MIPOL1: variants seen among roughly 807,000 people sequenced by gnomAD.
MIPOL1 encodes the protein mirror-image polydactyly 1.
Under a neutral mutation model 60.9 loss-of-function variants are expected in MIPOL1, and 57 were observed. The ratio of observed to expected loss-of-function variants is 0.94; its 90% CI spans 0.76 to 1.17. MIPOL1 has a LOEUF of 1.17. Among genes scored for constraint, MIPOL1 ranks in the 50% most tolerant of loss-of-function variants. The pLI, the probability that MIPOL1 is intolerant of heterozygous loss-of-function variation, is 0.00. For missense variants in MIPOL1, 551 were observed against 511.6 expected (o/e 1.08, Z -0.74); for synonymous variants, 179 against 168.8 (o/e 1.06, Z -0.47).
chr14:37,367,794 G>A (rs72671774), intron 9 of MIPOL1, among the ~76,000 whole-genome samples: 27,149 of 151,882 alleles, frequency 0.18, 3,004 homozygotes, highest in Non-Finnish European at 0.26. Context: ...ATTTAGTAGA[G>A]AATATCTCTA....
intron 11 of MIPOL1, among the ~76,000 whole-genome samples, chr14:37,446,071 A>G: frequency 6.6e-6 from 1 of 152,210 alleles, no homozygotes; most frequent in Non-Finnish European, 1.5e-5. Context: ...AAATTGACAA[A>G]TGGGATCTAA....
chr14:37,315,524 A>G (rs1426033533), intron 9 of MIPOL1, among the ~76,000 whole-genome samples: 1 of 140,050 alleles, frequency 7.1e-6, no homozygotes, highest in African/African-American at 2.7e-5. Context: ...AGAAAAGTGG[A>G]CAGATTTGGG....
At chr14:37,502,723 G>C (rs931562755) in intron 12 of MIPOL1, 2 of 152,160 alleles carry the variant, frequency 1.3e-5, no homozygotes, top group Non-Finnish European at 2.9e-5. Context: ...TGTGCCAAAG[G>C]CTCACAGCTC....
At chr14:37,346,304 G>A (rs1489130991) in intron 9 of MIPOL1, among the ~76,000 whole-genome samples, 1 of 152,136 alleles carries the variant, frequency 6.6e-6, no homozygotes, top group Non-Finnish European at 1.5e-5. Flanking sequence ...ACTGCAGCCT[G>A]GGTGACACAG....
At chr14:37,432,786 CT>C (rs2094096385) in intron 11 of MIPOL1, among the ~76,000 whole-genome samples, 1 of 151,932 alleles carries the variant, frequency 6.6e-6, no homozygotes, top group African/African-American at 2.4e-5. Context: ...TCCGTGGTTG[CT>C]TTGTTTGGTC....
intron 7 of MIPOL1, 109 bp downstream of exon 7, chr14:37,285,556 A>T: frequency 9.5e-7 from 1 of 1,055,750 alleles, no homozygotes; most frequent in Non-Finnish European, 1.3e-6. Context: ...GTGTTACACT[A>T]GGAAATTGCA....
At chr14:37,309,116 T>A (rs962473453) in intron 9 of MIPOL1, among the ~76,000 whole-genome samples, 1 of 150,552 alleles carries the variant, frequency 6.6e-6, no homozygotes, top group Non-Finnish European at 1.5e-5. Context: ...ATTTATTTAT[T>A]TATTTATTTA....
At chr14:37,390,377 A>G (rs2093204443) in intron 10 of MIPOL1, among the ~76,000 whole-genome samples, 1 of 152,166 alleles carries the variant, frequency 6.6e-6, no homozygotes, top group Non-Finnish European at 1.5e-5. Context: ...TATATATTAT[A>G]TACAATTGAA....
intron 7 of MIPOL1, among the ~76,000 whole-genome samples, chr14:37,290,281 A>G (rs1432418219): frequency 1.3e-5 from 2 of 152,154 alleles, no homozygotes; most frequent in Admixed American, 1.3e-4. Context: ...GCTGGAGAAC[A>G]GTGACGTGAT....
intron 7 of MIPOL1, 45 bp downstream of exon 7, chr14:37,285,492 A>G (rs2084477978): frequency 6.3e-7 from 1 of 1,587,380 alleles, no homozygotes; most frequent in African/African-American, 1.3e-5. Flanking sequence ...GAACACTTAT[A>G]AAAGGCATGC....
At chr14:37,299,866 C>A (rs532834304) in intron 7 of MIPOL1, among the ~76,000 whole-genome samples, 1 of 152,096 alleles carries the variant, frequency 6.6e-6, no homozygotes, top group East Asian at 1.9e-4. Flanking sequence ...GTATGTCTCC[C>A]TAGCCTGTCC....
At chr14:37,308,778 CTT>C (rs1211344428) in intron 9 of MIPOL1, among the ~76,000 whole-genome samples, 1 of 152,016 alleles carries the variant, frequency 6.6e-6, no homozygotes, top group Non-Finnish European at 1.5e-5. Flanking sequence ...TACAGACTAA[CTT>C]GTTATAGAAA....
intron 12 of MIPOL1, among the ~76,000 whole-genome samples, chr14:37,536,985 C>CTTTTGCTGAAAGTTGGCTT (rs2095509089): frequency 6.6e-6 from 1 of 152,104 alleles, no homozygotes; most frequent in Non-Finnish European, 1.5e-5. Context: ...GCAATCAATG[C>CTTTTGCTGAAAGTTGGCTT]TTTTGCTGAA....
chr14:37,487,872 TG>T (rs1357419956), intron 11 of MIPOL1, among the ~76,000 whole-genome samples: 1 of 152,256 alleles, frequency 6.6e-6, no homozygotes, highest in African/African-American at 2.4e-5. Context: ...TGCCTTGTGC[TG>T]TCTTTTGAAT....
intron 12 of MIPOL1, among the ~76,000 whole-genome samples, chr14:37,516,660 TTTTTAC>T (rs2095371328): frequency 6.6e-6 from 1 of 152,190 alleles, no homozygotes; most frequent in African/African-American, 2.4e-5. Flanking sequence ...TTTTGGCTAC[TTTTTAC>T]TTTATTTGCT....
chr14:37,418,261 G>A (rs1241627581), intron 10 of MIPOL1, among the ~76,000 whole-genome samples: 7 of 152,054 alleles, frequency 4.6e-5, no homozygotes, highest in African/African-American at 7.2e-5. Context: ...TAAGAATAGC[G>A]CTTAGTGATG....
intron 10 of MIPOL1, among the ~76,000 whole-genome samples, chr14:37,393,971 T>A (rs2093313062): frequency 6.7e-6 from 1 of 148,814 alleles, no homozygotes; most frequent in Admixed American, 6.8e-5. Flanking sequence ...CATTCCTGAG[T>A]TACTTCACTT....
At chr14:37,424,051 A>G (rs1447292474) in intron 11 of MIPOL1, among the ~76,000 whole-genome samples, 2 of 152,200 alleles carry the variant, frequency 1.3e-5, no homozygotes, top group Admixed American at 6.5e-5. Context: ...CATGTTCATA[A>G]TTGTAGGAAA....
chr14:37,550,102 A>G lies in MIPOL1; in HGVS notation c.*3131A>G, dbSNP rs1210632747. The G allele has an allele frequency of 6.6e-6, 1 of 151,598 alleles. No individual in the cohort carries two copies. Among genetic ancestry groups the G allele is most frequent in the Non-Finnish European group, 1.5e-5 (1 of 67,746 alleles). The allele number at this position is 151,598 out of a possible 1,614,324, so 9.4% of individuals were successfully genotyped here. On this transcript the variant is annotated 3_prime_UTR_variant, in exon 13 of 13. Transcript: ENST00000684589. ...AATTATTAATGTATTTTAAATATGG[A>G]GTAAAATATTTTGCTAATTTTTTTC... is the stretch of plus-strand genomic sequence containing the variant.
Sources: gnomAD v4.1 joint callset for allele counts (sites outside exome capture counted in the v4.1 genomes callset) on GRCh38, gnomAD v4.1.1 for gene constraint, MANE v1.5 for transcripts, NCBI Gene and HGNC (gene_info 2026-07-23, HGNC 2026-07-21) for gene names.